AKAP9: variants seen among roughly 807,000 people sequenced by gnomAD.
The protein encoded by AKAP9 is A-kinase anchoring protein 9, also known as A-kinase anchor protein 9.
In AKAP9, 311 loss-of-function variants were observed where a neutral mutation model predicts 488.5. The ratio of observed to expected loss-of-function variants is 0.64; its 90% CI spans 0.58 to 0.70. The LOEUF is 0.70. Among genes scored for constraint, AKAP9 ranks in the 30% least tolerant of loss-of-function variants. The pLI is 0.00. For synonymous variants in AKAP9, 1,462 were observed against 1,483.5 expected (o/e 0.99, Z 0.33); for missense variants, 4,215 against 4,374.5 (o/e 0.96, Z 1.03).
intron 1 of AKAP9, among the ~76,000 whole-genome samples, chr7:91,961,967 G>A (rs927539467): frequency 6.6e-6 from 1 of 151,666 alleles, no homozygotes; most frequent in Non-Finnish European, 1.5e-5. Flanking sequence ...AATTATATAT[G>A]GACATAATAT....
At chr7:92,094,489 C>T (rs1816186452) in intron 39 of AKAP9, among the ~76,000 whole-genome samples, 4 of 150,884 alleles carry the variant, frequency 2.7e-5, no homozygotes, top group Admixed American at 6.6e-5. Context: ...GCCAGGATCG[C>T]GCTATTGCAC....
Position 92,049,590 on chromosome 7 carries a change from G to A in AKAP9, c.5369-3136G>A, listed in dbSNP as rs371172019. Among the ~76,000 whole-genome samples the A allele has an allele frequency of 3.8e-3, 583 of 152,078 alleles. 4 individuals are homozygous for A. Among genetic ancestry groups the A allele is most frequent in the African/African-American group, 0.014 (561 of 41,510 alleles). Reference sequence around the variant, plus strand: ...CCAGCTACTGCACTCCAGCCTGGGCGACAGAGTGAGACTCCATCTCAAAAA... The same window carrying A: ...CCAGCTACTGCACTCCAGCCTGGGCAACAGAGTGAGACTCCATCTCAAAAA... On this transcript the variant is annotated intron_variant, in intron 21 of 49. Transcript: ENST00000356239.
intron 31 of AKAP9, among the ~76,000 whole-genome samples, chr7:92,081,028 A>G (rs542100843): frequency 6.6e-6 from 1 of 152,278 alleles, no homozygotes; most frequent in African/African-American, 2.4e-5. Context: ...ACTGTATTTT[A>G]TGGTCTTTAA....
chr7:92,066,678 T>C, intron 26 of AKAP9, 132 bp downstream of exon 26: 4 of 1,175,448 alleles, frequency 3.4e-6, no homozygotes. Context: ...AAACTTAATA[T>C]TACTTAAGCA....
chr7:91,941,741 G>A (rs191996579), intron 1 of AKAP9, among the ~76,000 whole-genome samples: 1 of 152,266 alleles, frequency 6.6e-6, no homozygotes, highest in East Asian at 1.9e-4. Flanking sequence ...CTTTGTCATG[G>A]CATGCGCTTT....
At chr7:92,091,585 C>CAAAAAAAAAA (rs796606265) in intron 38 of AKAP9, among the ~76,000 whole-genome samples, 3 of 22,082 alleles carry the variant, frequency 1.4e-4, no homozygotes, top group African/African-American at 2.5e-4. Flanking sequence ...GACTCTGTCT[C>CAAAAAAAAAA]AAAAAAAAAA....
chr7:92,070,954 C>T lies in AKAP9; in HGVS notation c.6557C>T (p.Ser2186Phe). 1.2e-6 allele frequency: 2 copies of T among 1,613,840 alleles called. No individual in the cohort carries two copies. The highest frequency in any genetic ancestry group is 1.7e-6 in the Non-Finnish European group (2 of 1,179,948). Residue 2186 changes from serine (S) to phenylalanine (F), a missense_variant, in exon 28 of 50, where the codon TCC (serine) becomes TTC (phenylalanine). By Grantham distance (155) the Ser-to-Phe change is radical. This residue lies in a region of AKAP9 where 2,361 missense variants were observed against 2,430.0 expected (regional missense o/e 0.97). Coordinates refer to ENST00000356239, the MANE Select transcript of AKAP9 (RefSeq NM_005751.5). ...GCTGTAGAAGCTAAACCAGAATTGT[C>T]CCTAGAAGTACAATTGCAGGCTGAA... ...FGAVEAKPEL[S>F]LEVQLQAERD...
intron 16 of AKAP9, among the ~76,000 whole-genome samples, chr7:92,037,845 A>G (rs1013053066): frequency 6.6e-6 from 1 of 152,234 alleles, no homozygotes; most frequent in Non-Finnish European, 1.5e-5. Flanking sequence ...ATCACTCTAA[A>G]TGTCCAATAT....
intron 1 of AKAP9, among the ~76,000 whole-genome samples, chr7:91,971,377 T>C (rs1795052101): frequency 6.6e-6 from 1 of 152,028 alleles, no homozygotes; most frequent in Non-Finnish European, 1.5e-5. Context: ...TCTGAATTGT[T>C]TTTCTGTGTA....
At chr7:92,077,398 TGCTTTATTAA>T (rs1438370535) in intron 29 of AKAP9, among the ~76,000 whole-genome samples, 1 of 151,920 alleles carries the variant, frequency 6.6e-6, no homozygotes, top group African/African-American at 2.4e-5. Context: ...GCCCCTATAT[TGCTTTATTAA>T]GCATTCGATA....
At chr7:92,107,231 G>C in intron 47 of AKAP9, 62 bp from the exon 48 acceptor site, 1 of 1,561,226 alleles carries the variant, frequency 6.4e-7, no homozygotes, top group Non-Finnish European at 8.8e-7. Flanking sequence ...CTATTTTGTA[G>C]AAATTTTTTA....
intron 3 of AKAP9, among the ~76,000 whole-genome samples, chr7:91,987,017 T>C (rs1238277674): frequency 6.6e-6 from 1 of 152,122 alleles, no homozygotes; most frequent in Admixed American, 6.6e-5. Context: ...GTATGACATA[T>C]CTTGTGATGA....
intron 16 of AKAP9, among the ~76,000 whole-genome samples, chr7:92,034,396 A>T (rs1387887439): frequency 6.6e-6 from 1 of 151,682 alleles, no homozygotes; most frequent in African/African-American, 2.4e-5. Flanking sequence ...AACTGGATAC[A>T]GGAGGAAGAA....
At chr7:92,070,295 T>C in intron 27 of AKAP9, 89 bp downstream of exon 27, 1 of 1,329,076 alleles carries the variant, frequency 7.5e-7, no homozygotes, top group Non-Finnish European at 1.1e-6. Context: ...TATTACATAT[T>C]ATGTTTATAT....
chr7:91,987,413 C>A (rs1180981538), intron 3 of AKAP9, among the ~76,000 whole-genome samples: 1 of 150,072 alleles, frequency 6.7e-6, no homozygotes, highest in Non-Finnish European at 1.5e-5. Flanking sequence ...GGGTGAAATT[C>A]TATCTCGAAA....
chr7:91,990,664 A>T (rs548324167), intron 3 of AKAP9, among the ~76,000 whole-genome samples: 13 of 152,192 alleles, frequency 8.5e-5, no homozygotes, highest in African/African-American at 3.1e-4. Context: ...CATAATTATT[A>T]TAAAATGGTA....
intron 5 of AKAP9, among the ~76,000 whole-genome samples, chr7:91,993,939 G>A (rs1798073483): frequency 6.6e-6 from 1 of 152,158 alleles, no homozygotes; most frequent in Admixed American, 6.5e-5. Context: ...GACTGGCAGG[G>A]TGAAAATAGC....
At chr7:92,078,965 T>C (rs1813064832) in intron 30 of AKAP9, 114 bp from the exon 31 acceptor site, 1 of 635,662 alleles carries the variant, frequency 1.6e-6, no homozygotes, top group Non-Finnish European at 2.7e-6. Context: ...TGAGAAGTAG[T>C]GTATTATTTT....
chr7:91,941,402 A>G (rs923766430), intron 1 of AKAP9, among the ~76,000 whole-genome samples: 5 of 152,198 alleles, frequency 3.3e-5, no homozygotes, highest in African/African-American at 1.2e-4. Flanking sequence ...GAATGTCCAA[A>G]TAAAACTCCC....
Sources: gnomAD v4.1 joint callset for allele counts (sites outside exome capture counted in the v4.1 genomes callset) on GRCh38, gnomAD v4.1.1 for gene constraint, gnomAD v4.1.1 regional missense constraint, MANE v1.5 for transcripts, NCBI Gene and HGNC (gene_info 2026-07-23, HGNC 2026-07-21) for gene names.